TRIM49: variants seen among roughly 807,000 people sequenced by gnomAD.
TRIM49 encodes the protein tripartite motif containing 49.
Under a neutral mutation model 27.4 loss-of-function variants are expected in TRIM49, and 5 were observed. The ratio of observed to expected loss-of-function variants is 0.18; its 90% confidence interval spans 0.10 to 0.38. TRIM49 has a LOEUF of 0.38. TRIM49 is among the 10% of genes least tolerant of loss of function. TRIM49 has a pLI of 1.00. For synonymous variants in TRIM49, 69 were observed against 166.0 expected, an observed-to-expected ratio of 0.42 and a Z score of 4.49; for missense variants, 188 against 487.5, an observed-to-expected ratio of 0.39 and a Z score of 5.79.
chr11:89,798,189 TG>T lies in TRIM49; in HGVS notation c.1299del (p.Ile434SerfsTer57). The T allele has an allele frequency of 2.0e-6, 3 of 1,511,510 alleles. No homozygotes were observed. The South Asian group carries it at 3.5e-5, about 17-fold the overall frequency. The allele number at this position is 1,511,510 out of a possible 1,614,324, so 93.6% of individuals were successfully genotyped here. A position where few individuals can be genotyped will look rare whatever the true frequency, so the allele number is the denominator to read the frequency against. On this transcript the variant is annotated frameshift_variant, in exon 8 of 8. Coordinates refer to ENST00000329758, the MANE Select transcript of TRIM49 (RefSeq NM_020358.2). LOFTEE classifies it high-confidence loss of function. Reference sequence around the variant, plus strand: ...GGAGGTGAGAAAGAGCAATTAGGGATGGTGTATATTAGGGAGCTTTGATTAA... The same window carrying T: ...GGAGGTGAGAAAGAGCAATTAGGGATGTGTATATTAGGGAGCTTTGATTAA... ...VDVNQSSLIY[T>X]IPNCSFSPPL...
chr11:89,785,256 A>G, the TRIM49 span, among the ~76,000 whole-genome samples: 1 of 145,356 alleles, frequency 6.9e-6, no homozygotes, highest in African/African-American at 2.7e-5. Flanking sequence ...AAATAAATAA[A>G]TAAATAAATA....
rs1210028302 is a variant in TRIM49 at position 89,807,234 on chromosome 11, TCTC to T, written c.-143_-141del. On this transcript the variant is annotated 5_prime_UTR_variant, in exon 2 of 8. Transcript: ENST00000329758. ...AAAATGCAGTTCTAAGTGCAGTCCT[TCTC>T]CTTCAGAGAAAACTGAGCTTGTCTC... 1 of 152,824 alleles carries T rather than the reference TCTC, an allele frequency of 6.5e-6. No individual in the cohort carries two copies. The highest frequency in any genetic ancestry group is 1.5e-5 in the Non-Finnish European group (1 of 67,918). The allele number at this position is 152,824 out of a possible 1,614,324, so 9.5% of individuals were successfully genotyped here. A position where few individuals can be genotyped will look rare whatever the true frequency, so the allele number is the denominator to read the frequency against.
At chr11:89,792,768 A>T (rs1317678247), downstream of TRIM49, among the ~76,000 whole-genome samples, 1 of 152,132 alleles carries the variant, frequency 6.6e-6, no homozygotes, top group African/African-American at 2.4e-5. Context: ...AATTTATAGC[A>T]CTAAATGCCC....
At chr11:89,790,818 T>A in the TRIM49 span, among the ~76,000 whole-genome samples, 2 of 151,828 alleles carry the variant, frequency 1.3e-5, no homozygotes, top group African/African-American at 4.8e-5. Flanking sequence ...GCAGAAAAAC[T>A]GAAAATTCTA....
At chr11:89,772,586 A>C in the TRIM49 span, among the ~76,000 whole-genome samples, 3 of 130,850 alleles carry the variant, frequency 2.3e-5, 1 homozygote, top group Admixed American at 1.4e-4. Context: ...CCAGGAAATA[A>C]AATTTTTTTA....
chr11:89,796,062 C>T (rs1414902878), downstream of TRIM49, among the ~76,000 whole-genome samples: 8 of 151,752 alleles, frequency 5.3e-5, no homozygotes, highest in African/African-American at 1.9e-4. Context: ...TAAAGCACTT[C>T]ATCCTCACTT....
the TRIM49 span, chr11:89,776,945 G>T: frequency 2.0e-6 from 3 of 1,517,760 alleles, no homozygotes; most frequent in East Asian, 5.0e-5. Context: ...ATAAGAGAAA[G>T]AAATTCTCAC....
chr11:89,771,879 A>G, the TRIM49 span, among the ~76,000 whole-genome samples: 1 of 86,434 alleles, frequency 1.2e-5, no homozygotes, highest in African/African-American at 7.5e-5. Flanking sequence ...AAATTCCAAG[A>G]AATTTCCTAT....
intron 3 of TRIM49, 111 bp downstream of exon 3, chr11:89,803,948 C>T (rs1949761398): frequency 1.2e-6 from 2 of 1,601,874 alleles, no homozygotes; most frequent in East Asian, 2.2e-5. Flanking sequence ...AAAGCCCAAA[C>T]AGAGCTGCTT....
intron 2 of TRIM49, among the ~76,000 whole-genome samples, chr11:89,805,003 C>A (rs1269580842): frequency 2.6e-5 from 4 of 151,248 alleles, no homozygotes; most frequent in African/African-American, 9.8e-5. Flanking sequence ...GCAAGTCCTG[C>A]AGTTATCCCA....
At chr11:89,776,280 CAG>C in the TRIM49 span, among the ~76,000 whole-genome samples, 2 of 123,828 alleles carry the variant, frequency 1.6e-5, no homozygotes, top group Non-Finnish European at 3.3e-5. Context: ...TTTTTTGAGA[CAG>C]AGTCTCACTC....
rs761234563 is a variant in TRIM49 at position 89,804,106 on chromosome 11, G to T, written c.364C>A (p.Arg122=). 6.2e-7 allele frequency: 1 copy of T among 1,606,444 alleles called. No homozygotes were observed. Among genetic ancestry groups the T allele is most frequent in the Non-Finnish European group, 8.5e-7 (1 of 1,177,490 alleles). Residue 122 remains arginine, a synonymous_variant, in exon 3 of 8, where the codon CGG becomes AGG. Coordinates refer to ENST00000329758, the MANE Select transcript of TRIM49 (RefSeq NM_020358.2). ...CLLCSSSQEH[R]YHRHRPIEWA... is the part of the protein sequence containing the mutation. ...TCAATGGGACGGTGTCTGTGATACCGGTGCTCCTGAGAGCTGGAGCACAGC... is the reference window on the plus strand; with the variant it reads ...TCAATGGGACGGTGTCTGTGATACCTGTGCTCCTGAGAGCTGGAGCACAGC...
At chr11:89,769,936 T>C in the TRIM49 span, among the ~76,000 whole-genome samples, 1 of 128,674 alleles carries the variant, frequency 7.8e-6, no homozygotes, top group Non-Finnish European at 1.6e-5. Flanking sequence ...GAAGCCACAG[T>C]TCCCCCAGAT....
the TRIM49 span, among the ~76,000 whole-genome samples, chr11:89,790,507 G>A: frequency 6.6e-6 from 1 of 152,004 alleles, no homozygotes; most frequent in Non-Finnish European, 1.5e-5. Flanking sequence ...CCCAGTAGGG[G>A]CAGACTGACA....
At chr11:89,793,868 G>A (rs372695506), downstream of TRIM49, among the ~76,000 whole-genome samples, 6 of 151,858 alleles carry the variant, frequency 4.0e-5, no homozygotes, top group African/African-American at 9.7e-5. Flanking sequence ...ATCCAACACA[G>A]TTTTGGAAGT....
chr11:89,800,801 A>G (rs1949729623), intron 6 of TRIM49, among the ~76,000 whole-genome samples, 165 bp downstream of exon 6: 2 of 150,054 alleles, frequency 1.3e-5, no homozygotes. Context: ...TCTTTTATTC[A>G]TTTATTTACT....
chr11:89,806,211 A>G (rs1383047223), intron 2 of TRIM49, among the ~76,000 whole-genome samples: 1 of 150,864 alleles, frequency 6.6e-6, no homozygotes, highest in Non-Finnish European at 1.5e-5. Flanking sequence ...AACATAATTG[A>G]ATACAGAAAA....
chr11:89,766,574 C>T, the TRIM49 span: 1 of 748,132 alleles, frequency 1.3e-6, no homozygotes, highest in Non-Finnish European at 2.2e-6. Flanking sequence ...CCCGAACAGT[C>T]AGGTTTCTTA....
the TRIM49 span, chr11:89,768,343 A>G: frequency 7.9e-7 from 1 of 1,268,506 alleles, no homozygotes; most frequent in Non-Finnish European, 1.1e-6. Flanking sequence ...TAAGAAATAG[A>G]TTCCAACAGA....
Sources: allele counts gnomAD v4.1 joint callset (sites outside exome capture counted in the v4.1 genomes callset), GRCh38; gene constraint gnomAD v4.1.1; transcripts MANE v1.5; gene names NCBI Gene and HGNC (gene_info 2026-07-23, HGNC 2026-07-21).